The following GPHN variants were observed in gnomAD, a reference collection of about 807,000 sequenced individuals.
GPHN encodes gephyrin.
A neutral mutation model predicts 95.5 loss-of-function variants in GPHN; 17 were observed. The ratio of observed to expected loss-of-function variants is 0.18; its 90% CI spans 0.12 to 0.27. GPHN has a LOEUF of 0.27. Among genes scored for constraint, GPHN ranks in the 10% least tolerant of loss-of-function variants. The pLI is 1.00. For missense variants in GPHN, 660 were observed against 978.1 expected, an observed-to-expected ratio of 0.67 and a Z score of 4.34; for synonymous variants, 320 against 322.5, an observed-to-expected ratio of 0.99 and a Z score of 0.08.
At chr14:67,625,652 C>G in the GPHN span, among the ~76,000 whole-genome samples, 1 of 139,236 alleles carries the variant, frequency 7.2e-6, no homozygotes, top group African/African-American at 2.9e-5. Flanking sequence ...TGCAGTCCAG[C>G]CTGGGCAACG....
intron 17 of GPHN, among the ~76,000 whole-genome samples, chr14:67,135,699 T>A (rs1044168108): frequency 6.6e-6 from 1 of 152,214 alleles, no homozygotes; most frequent in Non-Finnish European, 1.5e-5. Context: ...TGCTTTTTTT[T>A]TTAAATCAAT....
the GPHN span, among the ~76,000 whole-genome samples, chr14:67,415,250 AT>A: frequency 6.6e-6 from 1 of 151,942 alleles, no homozygotes; most frequent in Non-Finnish European, 1.5e-5. Flanking sequence ...TTTATTTAAA[AT>A]TTTTGAACCC....
chr14:66,835,493 T>C (rs1265917622), intron 4 of GPHN, among the ~76,000 whole-genome samples: 3 of 151,846 alleles, frequency 2.0e-5, no homozygotes, highest in Non-Finnish European at 4.4e-5. Context: ...AATATCATAC[T>C]GAATGGGCAA....
At chr14:67,448,607 T>G in the GPHN span, among the ~76,000 whole-genome samples, 1 of 151,970 alleles carries the variant, frequency 6.6e-6, no homozygotes, top group Non-Finnish European at 1.5e-5. Flanking sequence ...GGTTTGCAGT[T>G]TCCAGAAGGA....
At chr14:66,625,406 TA>T (rs1423295650) in intron 1 of GPHN, among the ~76,000 whole-genome samples, 6 of 152,156 alleles carry the variant, frequency 3.9e-5, no homozygotes, top group African/African-American at 1.4e-4. Flanking sequence ...TTTCATATAT[TA>T]TTTACTTGAT....
intron 4 of GPHN, among the ~76,000 whole-genome samples, chr14:66,838,348 G>T (rs8018920): frequency 0.33 from 49,408 of 151,802 alleles, 12,799 homozygotes; most frequent in African/African-American, 0.7. Context: ...AGATGATGGT[G>T]GAATAAATAT....
chr14:67,508,172 C>T, the GPHN span, among the ~76,000 whole-genome samples: 4 of 151,056 alleles, frequency 2.6e-5, no homozygotes, highest in Non-Finnish European at 4.4e-5. Flanking sequence ...GTCCTAGTCC[C>T]CCTTCTTGAG....
the GPHN span, chr14:67,600,340 C>A: frequency 4.2e-6 from 3 of 706,086 alleles, no homozygotes; most frequent in African/African-American, 5.8e-5. Context: ...CTCAGTTGCG[C>A]GCCGAGAGCT....
intron 11 of GPHN, among the ~76,000 whole-genome samples, chr14:67,087,810 A>G (rs1157740646): frequency 6.6e-6 from 1 of 152,150 alleles, no homozygotes; most frequent in Admixed American, 6.5e-5. Flanking sequence ...AATTATACAA[A>G]TACTTCATGT....
At chr14:67,226,951 C>T in the GPHN span, among the ~76,000 whole-genome samples, 1 of 152,122 alleles carries the variant, frequency 6.6e-6, no homozygotes, top group African/African-American at 2.4e-5. Flanking sequence ...GAAGCTCTGC[C>T]ATCTTTCAAT....
intron 1 of GPHN, among the ~76,000 whole-genome samples, chr14:66,516,864 G>A (rs2058267131): frequency 1.3e-5 from 2 of 152,110 alleles, no homozygotes; most frequent in South Asian, 4.1e-4. Context: ...AGGCACAGGG[G>A]CTCACGCCTG....
chr14:67,532,863 T>C, the GPHN span, among the ~76,000 whole-genome samples: 1 of 152,238 alleles, frequency 6.6e-6, no homozygotes, highest in Non-Finnish European at 1.5e-5. Flanking sequence ...GGAGACGGTC[T>C]GGTCTTGTCC....
chr14:67,353,077 C>G, the GPHN span: 3 of 1,509,548 alleles, frequency 2.0e-6, no homozygotes, highest in Non-Finnish European at 2.7e-6. Context: ...CATCTATTCT[C>G]ATTGTTTAAA....
the GPHN span, chr14:67,674,656 C>T: frequency 3.2e-3 from 1,605 of 498,194 alleles, 11 homozygotes; most frequent in Non-Finnish European, 4.6e-3. Flanking sequence ...CGAGCCGGAA[C>T]GCCCACCTTC....
chr14:67,442,057 G>T, the GPHN span: 3 of 152,934 alleles, frequency 2.0e-5, no homozygotes, highest in African/African-American at 7.2e-5. Flanking sequence ...AGAAGAAGAT[G>T]ACTATAATAG....
the GPHN span, among the ~76,000 whole-genome samples, chr14:67,272,574 C>T: frequency 1.8e-4 from 27 of 152,252 alleles, no homozygotes; most frequent in Admixed American, 1.5e-3. Context: ...CTTCTTTCTC[C>T]TCCTCCTCCT....
chr14:67,129,611 A>G (rs545431203), intron 17 of GPHN, among the ~76,000 whole-genome samples: 1 of 152,352 alleles, frequency 6.6e-6, no homozygotes, highest in South Asian at 2.1e-4. Context: ...CTAATGTAAT[A>G]GAAACCTTAG....
intron 1 of GPHN, among the ~76,000 whole-genome samples, chr14:66,511,088 T>C (rs187212628): frequency 2.2e-4 from 33 of 152,304 alleles, no homozygotes; most frequent in Admixed American, 9.8e-4. Context: ...ACAGATATTG[T>C]CTACTATGAT....
Position 66,724,130 on chromosome 14 carries a change from G to A in GPHN, c.143+42945G>A, listed in dbSNP as rs531931625. Among the ~76,000 whole-genome samples, 54 of 151,922 alleles carry A rather than the reference G, an allele frequency of 3.6e-4. 1 individual carries two copies. The South Asian group carries it at 0.01, about 29-fold the overall frequency. On this transcript the variant is annotated intron_variant, in intron 2 of 22. Coordinates refer to ENST00000478722, the MANE Select transcript of GPHN (RefSeq NM_020806.5). ...GGTTTATATAAAATCTTGTCTTTTC[G>A]CCAGCTTATACTTTTATTCAATTTG...
Sources: gnomAD v4.1 joint callset for allele counts (sites outside exome capture counted in the v4.1 genomes callset) on GRCh38, gnomAD v4.1.1 for gene constraint, MANE v1.5 for transcripts, NCBI Gene and HGNC (gene_info 2026-07-23, HGNC 2026-07-21) for gene names.